The following GALNT13 variants were observed in gnomAD, a reference collection of about 807,000 sequenced individuals.
The protein encoded by GALNT13 is UDP-GalNAc:polypeptide N-acetylgalactosaminyltransferase 13.
A neutral mutation model predicts 64.2 loss-of-function variants in GALNT13; 28 were observed. The observed-to-expected ratio is 0.44, with a 90% CI of 0.32 to 0.60. The LOEUF is 0.60. GALNT13 is among the 20% of genes least tolerant of loss of function. The pLI is 0.05. For missense variants in GALNT13, 577 were observed against 669.8 expected, an observed-to-expected ratio of 0.86 and a Z score of 1.53; for synonymous variants, 214 against 224.6, an observed-to-expected ratio of 0.95 and a Z score of 0.42.
At chr2:153,210,606 G>A in the GALNT13 span, among the ~76,000 whole-genome samples, 6 of 150,720 alleles carry the variant, frequency 4.0e-5, no homozygotes, top group East Asian at 1.9e-4. Context: ...AAACTTGGTC[G>A]GTAATTTTTT....
At chr2:153,516,835 T>C in the GALNT13 span, among the ~76,000 whole-genome samples, 1 of 152,056 alleles carries the variant, frequency 6.6e-6, no homozygotes, top group Admixed American at 6.5e-5. Context: ...CCAAAAGATA[T>C]GCTTTTATAC....
At chr2:153,456,946 A>C in the GALNT13 span, among the ~76,000 whole-genome samples, 1 of 152,200 alleles carries the variant, frequency 6.6e-6, no homozygotes, top group South Asian at 2.1e-4. Context: ...AAGTGGAGGG[A>C]ACTATGTGAA....
the GALNT13 span, among the ~76,000 whole-genome samples, chr2:153,647,407 C>T: frequency 4.6e-5 from 7 of 152,184 alleles, no homozygotes; most frequent in Admixed American, 2.0e-4. Flanking sequence ...TTCTCCCATT[C>T]TGTAGGTTGT....
At chr2:153,639,635 G>A in the GALNT13 span, among the ~76,000 whole-genome samples, 2 of 152,150 alleles carry the variant, frequency 1.3e-5, no homozygotes, top group African/African-American at 4.8e-5. Context: ...CTCTGAAAGT[G>A]CCAACAAGGA....
chr2:154,337,053 T>C (rs534456174), intron 9 of GALNT13, among the ~76,000 whole-genome samples: 1 of 152,244 alleles, frequency 6.6e-6, no homozygotes, highest in East Asian at 1.9e-4. Context: ...AATATACATG[T>C]ATGCCTGTTA....
At chr2:153,542,886 T>G in the GALNT13 span, among the ~76,000 whole-genome samples, 1 of 152,136 alleles carries the variant, frequency 6.6e-6, no homozygotes, top group African/African-American at 2.4e-5. Flanking sequence ...ATGCTATATC[T>G]CATCAATAAA....
chr2:153,685,102 G>C, the GALNT13 span, among the ~76,000 whole-genome samples: 1 of 151,754 alleles, frequency 6.6e-6, no homozygotes, highest in Admixed American at 6.6e-5. Flanking sequence ...ATTGTGAATA[G>C]TGCTGCAATG....
At chr2:153,501,099 T>C in the GALNT13 span, among the ~76,000 whole-genome samples, 7 of 152,134 alleles carry the variant, frequency 4.6e-5, no homozygotes, top group Non-Finnish European at 4.4e-5. Flanking sequence ...AAATTTCATT[T>C]TGGGAAGCCT....
chr2:154,326,538 C>T (rs1694884920), intron 9 of GALNT13, among the ~76,000 whole-genome samples: 1 of 151,884 alleles, frequency 6.6e-6, no homozygotes, highest in African/African-American at 2.4e-5. Context: ...TAATTATCTC[C>T]TAGGAGAACC....
At chr2:153,492,994 G>A in the GALNT13 span, among the ~76,000 whole-genome samples, 1 of 152,034 alleles carries the variant, frequency 6.6e-6, no homozygotes, top group Non-Finnish European at 1.5e-5. Flanking sequence ...GAATGATAAT[G>A]TGAAAACAAT....
At chr2:154,098,028 T>G (rs2105455526) in intron 3 of GALNT13, among the ~76,000 whole-genome samples, 1 of 151,946 alleles carries the variant, frequency 6.6e-6, no homozygotes, top group East Asian at 1.9e-4. Context: ...GAGTCTCCCT[T>G]GAGTTCCCTT....
At chr2:153,859,056 A>G in the GALNT13 span, among the ~76,000 whole-genome samples, 2 of 152,128 alleles carry the variant, frequency 1.3e-5, no homozygotes, top group Non-Finnish European at 2.9e-5. Flanking sequence ...TTTATATGGC[A>G]TAAGGTTAAG....
the GALNT13 span, among the ~76,000 whole-genome samples, chr2:153,374,015 G>C: frequency 2.0e-5 from 3 of 152,166 alleles, no homozygotes; most frequent in Non-Finnish European, 4.4e-5. Context: ...AACATCCATC[G>C]ATGTATACTT....
At chr2:154,412,274 T>C (rs1699827647) in intron 11 of GALNT13, among the ~76,000 whole-genome samples, 1 of 151,798 alleles carries the variant, frequency 6.6e-6, no homozygotes, top group African/African-American at 2.4e-5. Context: ...CTAAGATAAT[T>C]AATACTAGGA....
chr2:153,158,266 T>C, the GALNT13 span, among the ~76,000 whole-genome samples: 1 of 152,168 alleles, frequency 6.6e-6, no homozygotes, highest in Non-Finnish European at 1.5e-5. Flanking sequence ...AATAATGCTT[T>C]AAAGATTTTA....
At chr2:153,677,959 A>G in the GALNT13 span, among the ~76,000 whole-genome samples, 29 of 152,180 alleles carry the variant, frequency 1.9e-4, no homozygotes, top group African/African-American at 6.7e-4. Context: ...ACCATTCTGG[A>G]CATAGGTCCC....
intron 3 of GALNT13, among the ~76,000 whole-genome samples, chr2:154,098,266 C>G (rs77952555): frequency 6.6e-6 from 1 of 151,742 alleles, no homozygotes; most frequent in Non-Finnish European, 1.5e-5. Flanking sequence ...TCTCAAGATA[C>G]GACATGTAAA....
At chr2:153,180,168 C>A in the GALNT13 span, among the ~76,000 whole-genome samples, 99,069 of 151,896 alleles carry the variant, frequency 0.65, 32,527 homozygotes, top group East Asian at 0.82. Flanking sequence ...TGGACTTATT[C>A]TATATGGTCC....
chr2:154,059,841 T>G (rs1328786825), intron 3 of GALNT13, among the ~76,000 whole-genome samples: 1 of 152,020 alleles, frequency 6.6e-6, no homozygotes. Context: ...TAAGGAAGGT[T>G]TAATAAAGGT....
Sources: gnomAD v4.1 joint callset for allele counts (sites outside exome capture counted in the v4.1 genomes callset) on GRCh38, gnomAD v4.1.1 for gene constraint, MANE v1.5 for transcripts, NCBI Gene and HGNC (gene_info 2026-07-23, HGNC 2026-07-21) for gene names.